The following MSH3 variants were observed in gnomAD, a reference collection of about 807,000 sequenced individuals.
The protein encoded by MSH3 is DNA mismatch repair protein Msh3.
MSH3 carries 106 observed loss-of-function variants against 123.3 expected under a neutral mutation model. That is an observed-to-expected ratio of 0.86 (90% confidence interval 0.73 to 1.01). The LOEUF is 1.01. Among genes scored for constraint, MSH3 ranks in the 50% least tolerant of loss-of-function variants. The probability of loss-of-function intolerance (pLI) is 0.00; values close to 1 mark genes in which losing one functional copy is unlikely to be tolerated. For missense variants in MSH3, 1,459 were observed against 1,347.6 expected, an observed-to-expected ratio of 1.08 and a Z score of -1.29; for synonymous variants, 515 against 481.4, an observed-to-expected ratio of 1.07 and a Z score of -0.91.
chr5:80,701,140 C>G (rs1750601221), intron 8 of MSH3, among the ~76,000 whole-genome samples: 1 of 151,984 alleles, frequency 6.6e-6, no homozygotes, highest in Non-Finnish European at 1.5e-5. Context: ...AAATCCTACA[C>G]TAAATATTAA....
At chr5:80,745,875 T>TA (rs1743709696) in intron 12 of MSH3, among the ~76,000 whole-genome samples, 1 of 152,258 alleles carries the variant, frequency 6.6e-6, no homozygotes, top group Non-Finnish European at 1.5e-5. Flanking sequence ...CTGTGATTAA[T>TA]AAATAGTCAC....
intron 1 of MSH3, among the ~76,000 whole-genome samples, chr5:80,656,189 G>A (rs1439342867): frequency 2.0e-5 from 3 of 152,134 alleles, no homozygotes; most frequent in Non-Finnish European, 4.4e-5. Flanking sequence ...TTCTAAACAC[G>A]GCTTGAGTTG....
intron 19 of MSH3, among the ~76,000 whole-genome samples, chr5:80,797,173 A>T (rs1245558840): frequency 2.0e-5 from 3 of 151,226 alleles, no homozygotes; most frequent in Non-Finnish European, 4.4e-5. Context: ...CCCAGCTGGG[A>T]TGGGTAACCC....
chr5:80,857,900 T>G (rs1745945389), intron 21 of MSH3, among the ~76,000 whole-genome samples: 1 of 152,130 alleles, frequency 6.6e-6, no homozygotes, highest in Admixed American at 6.5e-5. Flanking sequence ...TCTGCTCTAA[T>G]TTTTATTATC....
chr5:80,787,214 T>C (rs1423122180), intron 17 of MSH3, among the ~76,000 whole-genome samples: 1 of 152,234 alleles, frequency 6.6e-6, no homozygotes, highest in East Asian at 1.9e-4. Flanking sequence ...CTGATCCACA[T>C]GAATATTTCA....
chr5:80,860,591 T>C (rs562842228), intron 21 of MSH3, among the ~76,000 whole-genome samples: 24 of 152,126 alleles, frequency 1.6e-4, no homozygotes, highest in African/African-American at 5.8e-4. Context: ...CAGTATTTTT[T>C]TTTTCTTTAT....
rs916086894 is a variant in MSH3, at chr5:80,686,578, A to G, written c.1340+7485A>G. ...CCGCCTGCCTCAGGCATGTATATTT[A>G]CAATTATCGTATCCTTTTGCTGAAT... On this transcript the variant is annotated intron_variant, in intron 8 of 23. Transcript: ENST00000265081. Among the ~76,000 whole-genome samples the G allele has an allele frequency of 3.9e-5, 6 of 152,124 alleles. No individual in the cohort carries two copies. In the South Asian group the frequency reaches 8.3e-4, roughly 21 times the overall value.
chr5:80,714,070 A>G (rs993819462), intron 8 of MSH3, among the ~76,000 whole-genome samples: 1 of 152,066 alleles, frequency 6.6e-6, no homozygotes, highest in African/African-American at 2.4e-5. Context: ...AAATTTTCCT[A>G]AAATCTATGT....
intron 7 of MSH3, among the ~76,000 whole-genome samples, chr5:80,677,998 T>C (rs1387008995): frequency 6.6e-6 from 1 of 152,210 alleles, no homozygotes; most frequent in African/African-American, 2.4e-5. Context: ...GAGTATATCC[T>C]TGGGGGAGGA....
intron 2 of MSH3, among the ~76,000 whole-genome samples, chr5:80,658,351 A>T (rs1375359726): frequency 2.6e-5 from 4 of 152,056 alleles, no homozygotes; most frequent in Non-Finnish European, 5.9e-5. Context: ...GAGCCACTGC[A>T]CCCGGCCTGT....
chr5:80,748,872 C>A (rs1743774361), intron 12 of MSH3, among the ~76,000 whole-genome samples: 1 of 151,918 alleles, frequency 6.6e-6, no homozygotes, highest in South Asian at 2.1e-4. Flanking sequence ...GGATGAGTCT[C>A]TAAAATGGTG....
intron 20 of MSH3, among the ~76,000 whole-genome samples, chr5:80,814,505 A>G (rs930925323): frequency 1.6e-4 from 24 of 152,252 alleles, no homozygotes; most frequent in Admixed American, 7.9e-4. Context: ...TCCTGACCCC[A>G]AGTGAGCCGC....
In MSH3 at chr5:80,654,871, C is replaced by G. The variant is rs747024539; in HGVS notation, c.144C>G (p.Asp48Glu). 3.2e-6 allele frequency: 5 copies of G among 1,577,356 alleles called. No individual in the cohort carries two copies. The highest frequency in any genetic ancestry group is 3.5e-6 in the Non-Finnish European group (4 of 1,154,980). Residue 48 changes from aspartate (D) to glutamate (E), a missense_variant, in exon 1 of 24, where the codon GAC (aspartate) becomes GAG (glutamate). Transcript: ENST00000265081. ...CCACAGGTGCAGCCGACCAGGTGGA[C>G]CCTGGCGCTGCAGCGGCTGCAGCGG... Reference protein sequence around the residue: ...SSSTGAADQVDPGAAAAAAAA... With the variant: ...SSSTGAADQVEPGAAAAAAAA...
At chr5:80,726,661 G>A (rs911443898) in intron 9 of MSH3, among the ~76,000 whole-genome samples, 1 of 152,000 alleles carries the variant, frequency 6.6e-6, no homozygotes, top group African/African-American at 2.4e-5. Context: ...TAGAGGTGGG[G>A]TTTTGCCATG....
At chr5:80,661,273 T>C (rs914706594) in intron 2 of MSH3, among the ~76,000 whole-genome samples, 7 of 152,206 alleles carry the variant, frequency 4.6e-5, no homozygotes, top group African/African-American at 9.7e-5. Context: ...TTCTGAGAGT[T>C]TATTACGGGG....
At chr5:80,761,744 A>G in intron 13 of MSH3, 66 bp downstream of exon 13, 1 of 1,578,446 alleles carries the variant, frequency 6.3e-7, no homozygotes, top group South Asian at 1.1e-5. Context: ...ATATATTAAA[A>G]GAAAACTTTT....
At chr5:80,760,490 A>G (rs1744013497) in intron 12 of MSH3, among the ~76,000 whole-genome samples, 2 of 152,032 alleles carry the variant, frequency 1.3e-5, no homozygotes, top group Non-Finnish European at 2.9e-5. Context: ...TGCACTTTCT[A>G]TTGCTACTCC....
Position 80,719,461 on chromosome 5 carries a change from G to A in MSH3, c.1341-5992G>A, listed in dbSNP as rs151027592. Among the ~76,000 whole-genome samples the A allele has an allele frequency of 3.0e-3, 452 of 152,250 alleles. 1 individual carries two copies. Among genetic ancestry groups the A allele is most frequent in the African/African-American group, 0.01 (431 of 41,534 alleles). On this transcript the variant is annotated intron_variant, in intron 8 of 23. Coordinates refer to ENST00000265081, the MANE Select transcript of MSH3 (RefSeq NM_002439.5). Reference sequence around the variant, plus strand: ...CTTCTGATTCAAATTCAGGGCTAAAGAGTTTTTATTTAACTTTTTCAGTCT... The same window carrying A: ...CTTCTGATTCAAATTCAGGGCTAAAAAGTTTTTATTTAACTTTTTCAGTCT...
intron 18 of MSH3, among the ~76,000 whole-genome samples, chr5:80,788,724 G>A (rs1180742356): frequency 6.6e-6 from 1 of 150,600 alleles, no homozygotes; most frequent in African/African-American, 2.4e-5. Context: ...GATTGCTTGA[G>A]CTCAGAAGTT....
Sources: gnomAD v4.1 joint callset for allele counts (sites outside exome capture counted in the v4.1 genomes callset) on GRCh38, gnomAD v4.1.1 for gene constraint, MANE v1.5 for transcripts, NCBI Gene and HGNC (gene_info 2026-07-23, HGNC 2026-07-21) for gene names.